SLC6A6: variants seen among roughly 807,000 people sequenced by gnomAD.
The protein encoded by SLC6A6 is solute carrier family 6 member 6.
In SLC6A6, 16 loss-of-function variants were observed where a neutral mutation model predicts 68.8. That is an observed-to-expected ratio of 0.23 (90% confidence interval 0.16 to 0.35). The LOEUF is 0.35. Ranked by LOEUF, SLC6A6 falls within the 10% of genes least tolerant of loss-of-function variation. The probability of loss-of-function intolerance (pLI) is 1.00; values close to 1 mark genes in which losing one functional copy is unlikely to be tolerated. For missense variants in SLC6A6, 474 were observed against 802.8 expected, an observed-to-expected ratio of 0.59 and a Z score of 4.95; for synonymous variants, 312 against 315.4, an observed-to-expected ratio of 0.99 and a Z score of 0.12.
chr3:14,453,331 G>A (rs988857714), intron 5 of SLC6A6, among the ~76,000 whole-genome samples: 7 of 152,178 alleles, frequency 4.6e-5, no homozygotes, highest in Admixed American at 2.0e-4. Context: ...AGCTTACCTC[G>A]GAGTCTCCTC....
At chr3:14,445,654 G>A in intron 3 of SLC6A6, 63 bp from the exon 4 acceptor site, 1 of 1,597,966 alleles carries the variant, frequency 6.3e-7, no homozygotes, top group Non-Finnish European at 8.6e-7. Context: ...GAGGGCTTGG[G>A]AGCCTTCTGC....
intron 2 of SLC6A6, among the ~76,000 whole-genome samples, chr3:14,421,120 A>C (rs1574914777): frequency 6.6e-6 from 1 of 151,952 alleles, no homozygotes; most frequent in Non-Finnish European, 1.5e-5. Context: ...GAGGGGTGGC[A>C]CCTCCCTGGG....
chr3:14,464,776 C>T (rs945014072), intron 6 of SLC6A6, among the ~76,000 whole-genome samples: 5 of 152,232 alleles, frequency 3.3e-5, no homozygotes, highest in African/African-American at 1.2e-4. Context: ...TCTCAGTTTC[C>T]TCTCCTGTAA....
intron 6 of SLC6A6, among the ~76,000 whole-genome samples, chr3:14,463,044 A>G (rs1296053851): frequency 1.3e-5 from 2 of 152,282 alleles, no homozygotes; most frequent in East Asian, 3.9e-4. Flanking sequence ...CTCACTTCCC[A>G]AGCTTAACTT....
At chr3:14,461,070 G>T (rs796715537) in intron 6 of SLC6A6, among the ~76,000 whole-genome samples, 1 of 152,244 alleles carries the variant, frequency 6.6e-6, no homozygotes, top group African/African-American at 2.4e-5. Flanking sequence ...AAGTCACTTT[G>T]CCTCTCTAGG....
At chr3:14,409,933 A>G (rs893471591) in intron 1 of SLC6A6, among the ~76,000 whole-genome samples, 11 of 152,210 alleles carry the variant, frequency 7.2e-5, no homozygotes, top group Non-Finnish European at 1.2e-4. Flanking sequence ...CACGTCTGTA[A>G]TCCCAGCACT....
intron 14 of SLC6A6, among the ~76,000 whole-genome samples, chr3:14,482,345 G>T (rs375781746): frequency 8.5e-5 from 13 of 152,204 alleles, no homozygotes; most frequent in East Asian, 3.9e-4. Flanking sequence ...GTCTTCTCCG[G>T]ATCTGTGGCG....
intron 5 of SLC6A6, 41 bp from the exon 6 acceptor site, chr3:14,457,909 C>T (rs200030714): frequency 5.9e-5 from 95 of 1,610,516 alleles, no homozygotes; most frequent in Non-Finnish European, 7.6e-5. Context: ...TACTCCAGGG[C>T]CAGGCCCCTC....
chr3:14,463,420 C>T (rs1700540183), intron 6 of SLC6A6, among the ~76,000 whole-genome samples: 1 of 152,250 alleles, frequency 6.6e-6, no homozygotes, highest in Non-Finnish European at 1.5e-5. Context: ...CAAAGAAAGC[C>T]ACCTCCACAC....
At chr3:14,404,924 C>T (rs1699072320) in intron 1 of SLC6A6, among the ~76,000 whole-genome samples, 1 of 152,252 alleles carries the variant, frequency 6.6e-6, no homozygotes, top group Non-Finnish European at 1.5e-5. Context: ...CTTCCCGTCA[C>T]CTCAACCTGT....
In SLC6A6 at chr3:14,481,736, C is replaced by A; in HGVS notation, c.1617C>A (p.Pro539=). Reference sequence around the variant, plus strand: ...CCTACAACAAAACATACGTGTACCCCAACTGGGCCATTGGGCTGGGCTGGA... The same window carrying A: ...CCTACAACAAAACATACGTGTACCCAAACTGGGCCATTGGGCTGGGCTGGA... ...PLTYNKTYVY[P]NWAIGLGWSL... is the part of the protein sequence containing the mutation. The change falls in exon 14 of 15, where the codon CCC becomes CCA. Residue 539 remains proline (P), a synonymous_variant. Coordinates refer to ENST00000622186, the MANE Select transcript of SLC6A6 (RefSeq NM_003043.6). The surrounding 1 kb of genome is among the most constrained non-coding windows in gnomAD (Gnocchi z 4.7). 1 of 1,613,816 alleles carries A rather than the reference C, an allele frequency of 6.2e-7. No homozygotes were observed. Among genetic ancestry groups the A allele is most frequent in the Non-Finnish European group, 8.5e-7 (1 of 1,179,756 alleles).
chr3:14,483,392 C>G (rs1028941719), intron 14 of SLC6A6, among the ~76,000 whole-genome samples: 3 of 152,264 alleles, frequency 2.0e-5, no homozygotes, highest in Non-Finnish European at 4.4e-5. Flanking sequence ...TCTCTCTGAG[C>G]CAGGTTCTGG....
chr3:14,409,689 A>C (rs7647134), intron 1 of SLC6A6, among the ~76,000 whole-genome samples: 84,782 of 152,136 alleles, frequency 0.56, 25,737 homozygotes, highest in Non-Finnish European at 0.69. Context: ...TGAACAGTCT[A>C]AGATGGTTTA....
intron 2 of SLC6A6, among the ~76,000 whole-genome samples, chr3:14,428,754 T>G (rs1188579678): frequency 6.6e-6 from 1 of 152,142 alleles, no homozygotes; most frequent in African/African-American, 2.4e-5. Context: ...GGTCAAGCAA[T>G]GTCACCAGAG....
Position 14,481,627 on chromosome 3 carries a change from CGATG to C in SLC6A6, c.1552-43_1552-40del. ...CTAGTCCCAGAAGCCCCCCACCCCCCGATGCCCAGGACCCCTCTCCTGACTGCCC... is the reference window on the plus strand; with the variant it reads ...CTAGTCCCAGAAGCCCCCCACCCCCCCCCAGGACCCCTCTCCTGACTGCCC... On this transcript the variant is annotated intron_variant, in intron 13 of 14. Coordinates refer to ENST00000622186, the MANE Select transcript of SLC6A6 (RefSeq NM_003043.6). The surrounding 1 kb of genome is among the most constrained non-coding windows in gnomAD (Gnocchi z 4.7). 1.1e-5 allele frequency: 16 copies of C among 1,422,468 alleles called. No homozygotes were observed. The highest frequency in any genetic ancestry group is 1.8e-5 in the Admixed American group (1 of 55,054). The allele number at this position is 1,422,468 out of a possible 1,614,324, so 88.1% of individuals were successfully genotyped here. A position where few individuals can be genotyped will look rare whatever the true frequency, so the allele number is the denominator to read the frequency against.
chr3:14,429,160 A>G (rs894664350), intron 2 of SLC6A6, among the ~76,000 whole-genome samples: 3 of 152,126 alleles, frequency 2.0e-5, no homozygotes, highest in Non-Finnish European at 2.9e-5. Context: ...CTTTGCCTTG[A>G]TTTCTCAAAC....
chr3:14,435,845 C>T (rs1044526034), intron 2 of SLC6A6, among the ~76,000 whole-genome samples: 2 of 152,230 alleles, frequency 1.3e-5, no homozygotes, highest in African/African-American at 4.8e-5. Flanking sequence ...CCCCAGTGGG[C>T]ACCAGTCCCG....
intron 1 of SLC6A6, among the ~76,000 whole-genome samples, chr3:14,413,072 G>T (rs1473381521): frequency 1.3e-5 from 2 of 152,234 alleles, no homozygotes; most frequent in Non-Finnish European, 2.9e-5. Context: ...GGCTAGCCAG[G>T]CTGCTGACAG....
At chr3:14,413,558 G>T (rs1699299016) in intron 1 of SLC6A6, among the ~76,000 whole-genome samples, 1 of 152,270 alleles carries the variant, frequency 6.6e-6, no homozygotes, top group Non-Finnish European at 1.5e-5. Context: ...GCAGAATGCA[G>T]AACCTCAGGC....
Sources: gnomAD v4.1 joint callset for allele counts (sites outside exome capture counted in the v4.1 genomes callset) on GRCh38, gnomAD v4.1.1 for gene constraint, Gnocchi (gnomAD v3.1) non-coding constraint, MANE v1.5 for transcripts, NCBI Gene and HGNC (gene_info 2026-07-23, HGNC 2026-07-21) for gene names.